KIF15: variants seen among roughly 807,000 people sequenced by gnomAD.
KIF15 encodes kinesin family member 15, also known as kinesin-like protein KIF15.
In KIF15, 140 loss-of-function variants were observed where a neutral mutation model predicts 190.6. That is an observed-to-expected ratio of 0.73 (90% confidence interval 0.64 to 0.84). The LOEUF is 0.84. KIF15 is among the 40% of genes least tolerant of loss of function. The probability of loss-of-function intolerance (pLI) is 0.00; values close to 1 mark genes in which losing one functional copy is unlikely to be tolerated. For missense variants in KIF15, 1,372 were observed against 1,584.4 expected (o/e 0.87, Z 2.28); for synonymous variants, 528 against 551.3 (o/e 0.96, Z 0.59).
At chr3:44,787,487 A>T (rs952983356) in intron 7 of KIF15, among the ~76,000 whole-genome samples, 7 of 152,162 alleles carry the variant, frequency 4.6e-5, no homozygotes, top group Admixed American at 3.3e-4. Flanking sequence ...TCAATAAAAG[A>T]TGGAATCAAG....
chr3:44,796,557 A>G (rs1015715378), intron 8 of KIF15, among the ~76,000 whole-genome samples: 3 of 152,218 alleles, frequency 2.0e-5, no homozygotes, highest in South Asian at 2.1e-4. Context: ...ACTCTCAACC[A>G]TGCCACTAAC....
At chr3:44,843,526 T>A (rs7633519) in intron 30 of KIF15, among the ~76,000 whole-genome samples, 2,838 of 152,310 alleles carry the variant, frequency 0.019, 76 homozygotes, top group African/African-American at 0.064. Context: ...TTAAGGTATA[T>A]ATAATATCGA....
At chr3:44,764,768 CT>C (rs568690451) in intron 1 of KIF15, among the ~76,000 whole-genome samples, 1 of 152,052 alleles carries the variant, frequency 6.6e-6, no homozygotes, top group Non-Finnish European at 1.5e-5. Flanking sequence ...TCCTGAGTAG[CT>C]GGGACTACAG....
At chr3:44,840,625 A>C (rs1040901930) in intron 28 of KIF15, among the ~76,000 whole-genome samples, 169 bp downstream of exon 28, 3 of 151,804 alleles carry the variant, frequency 2.0e-5, no homozygotes, top group Non-Finnish European at 2.9e-5. Flanking sequence ...TTTCCTTGGA[A>C]AAGAATTAGA....
chr3:44,821,711 C>T (rs1697335958), intron 20 of KIF15, among the ~76,000 whole-genome samples: 1 of 152,186 alleles, frequency 6.6e-6, no homozygotes, highest in Non-Finnish European at 1.5e-5. Context: ...TCCTCACTTC[C>T]CAGACAGGGT....
chr3:44,762,694 C>T (rs1705203998), intron 1 of KIF15, among the ~76,000 whole-genome samples: 1 of 152,122 alleles, frequency 6.6e-6, no homozygotes, highest in South Asian at 2.1e-4. Context: ...TTTCCAACGC[C>T]GTTAATGTTT....
intron 30 of KIF15, among the ~76,000 whole-genome samples, chr3:44,847,067 G>A: frequency 6.6e-6 from 1 of 152,218 alleles, no homozygotes; most frequent in Non-Finnish European, 1.5e-5. Context: ...CTTGACAGAA[G>A]ACGTTTGCCA....
At chr3:44,804,997 A>AG (rs781136834) in intron 14 of KIF15, 30 bp from the exon 15 acceptor site, 2 of 1,584,522 alleles carry the variant, frequency 1.3e-6, no homozygotes, top group South Asian at 2.4e-5. Context: ...AAAAAAAAAA[A>AG]AAAGACTGAG....
Position 44,816,291 on chromosome 3 carries a change from G to T in KIF15, c.2549+1215G>T, listed in dbSNP as rs551565387. Among the ~76,000 whole-genome samples, 80 of 152,054 alleles carry T rather than the reference G, an allele frequency of 5.3e-4. No homozygotes were observed. The South Asian group carries it at 0.016, about 30-fold the overall frequency. On this transcript the variant is annotated intron_variant, in intron 20 of 34. Coordinates refer to ENST00000326047, the MANE Select transcript of KIF15 (RefSeq NM_020242.3). ...AATTTCTAGGGTACATGTGCACAAC[G>T]TGCAGGTTTGTTACATAGGTATACA...
At chr3:44,801,252 T>TGA (rs1392198918) in intron 11 of KIF15, among the ~76,000 whole-genome samples, 198 bp from the exon 12 acceptor site, 2 of 151,334 alleles carry the variant, frequency 1.3e-5, no homozygotes, top group African/African-American at 4.9e-5. Context: ...GGTCTCGAAC[T>TGA]GCTGACCTCA....
chr3:44,847,923 A>G (rs1209646979), intron 30 of KIF15, 62 bp from the exon 31 acceptor site: 25 of 1,152,302 alleles, frequency 2.2e-5, no homozygotes, highest in Non-Finnish European at 3.0e-5. Flanking sequence ...TTTGAAATTG[A>G]TACTTGAATA....
chr3:44,804,734 C>T (rs750680469), intron 14 of KIF15, among the ~76,000 whole-genome samples: 2 of 152,088 alleles, frequency 1.3e-5, no homozygotes, highest in Non-Finnish European at 2.9e-5. Flanking sequence ...ACCCATTTCT[C>T]ACTTTTCCTC....
At chr3:44,803,561 G>T (rs1470204057) in intron 14 of KIF15, among the ~76,000 whole-genome samples, 1 of 152,192 alleles carries the variant, frequency 6.6e-6, no homozygotes, top group African/African-American at 2.4e-5. Context: ...CTTGACAGCT[G>T]TTGGTGTTCA....
intron 20 of KIF15, among the ~76,000 whole-genome samples, 158 bp from the exon 21 acceptor site, chr3:44,825,881 G>A (rs1697610568): frequency 6.6e-6 from 1 of 152,158 alleles, no homozygotes; most frequent in South Asian, 2.1e-4. Context: ...TGTGCATCAT[G>A]GACATTTCAC....
At chr3:44,796,828 T>C (rs1707010563) in intron 8 of KIF15, among the ~76,000 whole-genome samples, 1 of 152,184 alleles carries the variant, frequency 6.6e-6, no homozygotes, top group African/African-American at 2.4e-5. Flanking sequence ...TCAGTGGCTT[T>C]GGGGGCTGTA....
intron 18 of KIF15, among the ~76,000 whole-genome samples, chr3:44,812,788 C>A (rs1007297537): frequency 6.6e-6 from 1 of 152,152 alleles, no homozygotes; most frequent in Non-Finnish European, 1.5e-5. Context: ...AGATCAAGAC[C>A]AGCCTGGCCA....
intron 16 of KIF15, among the ~76,000 whole-genome samples, chr3:44,808,733 A>T (rs1404990367): frequency 6.6e-6 from 1 of 152,152 alleles, no homozygotes; most frequent in Non-Finnish European, 1.5e-5. Flanking sequence ...GGCTCAAGGA[A>T]TATGAGCCTC....
At chr3:44,844,557 CG>C (rs1381589850) in intron 30 of KIF15, among the ~76,000 whole-genome samples, 128 of 152,228 alleles carry the variant, frequency 8.4e-4, no homozygotes, top group African/African-American at 3.0e-3. Context: ...TTTAAAATAC[CG>C]TATTTCAGAG....
At chr3:44,811,681 T>A (rs1352884607) in intron 17 of KIF15, among the ~76,000 whole-genome samples, 1 of 152,158 alleles carries the variant, frequency 6.6e-6, no homozygotes, top group African/African-American at 2.4e-5. Flanking sequence ...TTATTATAGA[T>A]CAAATTTTAG....
Sources: allele counts gnomAD v4.1 joint callset (sites outside exome capture counted in the v4.1 genomes callset), GRCh38; gene constraint gnomAD v4.1.1; transcripts MANE v1.5; gene names NCBI Gene and HGNC (gene_info 2026-07-23, HGNC 2026-07-21).